Variants in RCBTB2 observed in about 807,000 individuals in gnomAD.
RCBTB2 encodes the protein RCC1 and BTB domain containing protein 2, also known as RCC1 and BTB domain-containing protein 2.
Under a neutral mutation model 65.4 loss-of-function variants are expected in RCBTB2, and 55 were observed. That is an observed-to-expected ratio of 0.84 (90% confidence interval 0.68 to 1.05). The LOEUF is 1.05. Among genes scored for constraint, RCBTB2 ranks in the 50% least tolerant of loss-of-function variants. The probability of loss-of-function intolerance (pLI) is 0.00; values close to 1 mark genes in which losing one functional copy is unlikely to be tolerated. For synonymous variants in RCBTB2, 220 were observed against 255.2 expected (o/e 0.86, Z 1.31); for missense variants, 599 against 680.1 (o/e 0.88, Z 1.33).
intron 9 of RCBTB2, among the ~76,000 whole-genome samples, chr13:48,511,512 G>A (rs1404863055): frequency 6.6e-6 from 1 of 152,130 alleles, no homozygotes; most frequent in African/African-American, 2.4e-5. Flanking sequence ...AGGTCAAAGG[G>A]TATAAAAGCT....
intron 1 of RCBTB2, among the ~76,000 whole-genome samples, chr13:48,527,290 T>G (rs1251229778): frequency 7.1e-6 from 1 of 140,368 alleles, no homozygotes; most frequent in Non-Finnish European, 1.5e-5. Flanking sequence ...TTTTCCCTTA[T>G]ATGTTTGTTT....
At chr13:48,522,238 T>C (rs1359523880) in intron 3 of RCBTB2, 70 bp downstream of exon 3, 14 of 1,045,756 alleles carry the variant, frequency 1.3e-5, no homozygotes, top group Non-Finnish European at 1.6e-5. Context: ...CTTAACTCTA[T>C]AAAGGAAATC....
intron 10 of RCBTB2, among the ~76,000 whole-genome samples, chr13:48,507,194 C>T (rs753820917): frequency 1.2e-3 from 182 of 152,278 alleles, no homozygotes; most frequent in Admixed American, 1.8e-3. Flanking sequence ...AGGGGTGGGG[C>T]GCGGATTTGG....
intron 13 of RCBTB2, among the ~76,000 whole-genome samples, chr13:48,498,207 T>C (rs556797301): frequency 6.6e-6 from 1 of 152,306 alleles, no homozygotes; most frequent in African/African-American, 2.4e-5. Context: ...GCCTGTGCCA[T>C]TGGGTTCTGG....
intron 10 of RCBTB2, 149 bp downstream of exon 10, chr13:48,510,480 A>T: frequency 2.0e-6 from 2 of 1,002,568 alleles, no homozygotes; most frequent in Non-Finnish European, 2.9e-6. Flanking sequence ...CAACAATTCC[A>T]AAGCCAATTT....
At chr13:48,520,299 C>T (rs1237823786) in intron 4 of RCBTB2, among the ~76,000 whole-genome samples, 1 of 152,072 alleles carries the variant, frequency 6.6e-6, no homozygotes, top group East Asian at 1.9e-4. Flanking sequence ...GCAGAATGAC[C>T]CAATCAACTC....
chr13:48,525,586 C>T (rs1188492503), intron 1 of RCBTB2, among the ~76,000 whole-genome samples: 1 of 151,658 alleles, frequency 6.6e-6, no homozygotes, highest in Non-Finnish European at 1.5e-5. Context: ...ATGCTGATCT[C>T]AGCCCACTAA....
At chr13:48,512,635 AT>A (rs1950865288) in intron 7 of RCBTB2, 93 bp downstream of exon 7, 1 of 1,070,486 alleles carries the variant, frequency 9.3e-7, no homozygotes, top group African/African-American at 1.6e-5. Context: ...GGAGGTGGTT[AT>A]TTTAATCAAA....
chr13:48,522,173 T>TA (rs1160904821), intron 3 of RCBTB2, 135 bp downstream of exon 3: 9 of 723,028 alleles, frequency 1.2e-5, no homozygotes, highest in Admixed American at 2.5e-5. Context: ...GATGGCCTCT[T>TA]ACGGGAATCT....
intron 14 of RCBTB2, among the ~76,000 whole-genome samples, chr13:48,493,336 C>CTCTCTCTCTT (rs1949821565): frequency 6.9e-6 from 1 of 144,706 alleles, no homozygotes; most frequent in Non-Finnish European, 1.5e-5. Flanking sequence ...CTCTCTCTCT[C>CTCTCTCTCTT]TCTCTTCTCT....
intron 6 of RCBTB2, 117 bp downstream of exon 6, chr13:48,515,088 G>T: frequency 1.1e-6 from 1 of 917,718 alleles, no homozygotes. Context: ...CATGTTTTAT[G>T]GTATCCAAAA....
intron 14 of RCBTB2, among the ~76,000 whole-genome samples, chr13:48,493,616 G>A (rs777585618): frequency 1.3e-5 from 2 of 151,798 alleles, no homozygotes; most frequent in African/African-American, 4.8e-5. Flanking sequence ...CCTCCACACC[G>A]GGCTTGCTTT....
chr13:48,523,120 A>C (rs1276924235), intron 2 of RCBTB2, among the ~76,000 whole-genome samples: 1 of 152,226 alleles, frequency 6.6e-6, no homozygotes, highest in Non-Finnish European at 1.5e-5. Flanking sequence ...TCACTTAAAA[A>C]TTTATAAACC....
chr13:48,490,230 T>C lies in RCBTB2; in HGVS notation c.1537A>G (p.Arg513Gly). The change falls in exon 15 of 15, where the codon AGG (arginine) becomes GGG (glycine). Residue 513 changes from arginine to glycine, a missense_variant. Physicochemically the swap from Arg to Gly is moderately radical, Grantham distance 125. Transcript: ENST00000344532. Reference protein sequence around the residue: ...DAQDLEEFCFRFCINHLTVVT... With the variant: ...DAQDLEEFCFGFCINHLTVVT... ...ACAGTCAGATGGTTTATGCAAAACC[T>C]GAAGCAGAATTCTTCTAAATCCTAG... 1 of 1,613,378 alleles carries C rather than the reference T, an allele frequency of 6.2e-7. No individual in the cohort carries two copies. Among genetic ancestry groups the C allele is most frequent in the Non-Finnish European group, 8.5e-7 (1 of 1,179,456 alleles).
chr13:48,510,810 G>C lies in RCBTB2; in HGVS notation c.784-39C>G. 3 of 1,561,858 alleles carry C rather than the reference G, an allele frequency of 1.9e-6. No homozygotes were observed. In the South Asian group the frequency reaches 3.5e-5, roughly 18 times the overall value. On this transcript the variant is annotated intron_variant, in intron 9 of 14. Coordinates refer to ENST00000344532, the MANE Select transcript of RCBTB2 (RefSeq NM_001268.4). ...AATCCACTCAGGACTGCAAATATAAGTAATTATTTCACTGCTTCCACAAAG... is the reference window on the plus strand; with the variant it reads ...AATCCACTCAGGACTGCAAATATAACTAATTATTTCACTGCTTCCACAAAG...
At chr13:48,521,994 C>T in intron 3 of RCBTB2, 32 bp from the exon 4 acceptor site, 2 of 1,583,990 alleles carry the variant, frequency 1.3e-6, no homozygotes, top group Non-Finnish European at 1.7e-6. Flanking sequence ...AAATCAGGAT[C>T]CCTTATGTTC....
intron 12 of RCBTB2, 71 bp from the exon 13 acceptor site, chr13:48,499,831 T>C (rs1950152937): frequency 6.3e-7 from 1 of 1,576,980 alleles, no homozygotes; most frequent in East Asian, 2.2e-5. Flanking sequence ...GAGGACCACG[T>C]TCTTCTCTCG....
At position 48,521,882 on chromosome 13, in the gene RCBTB2, A is replaced by C; in HGVS notation, c.42+16T>G. 6.2e-7 allele frequency: 1 copy of C among 1,613,020 alleles called. No individual in the cohort carries two copies. The highest frequency in any genetic ancestry group is 8.5e-7 in the Non-Finnish European group (1 of 1,179,222). The stretch of plus-strand genomic sequence containing the variant: ...AACAGAACACACATGCTCCAAGGGC[A>C]TGATTTTTTTCTAACCTTGCCACTG... On this transcript the variant is annotated intron_variant, in intron 4 of 14. Coordinates refer to ENST00000344532, the MANE Select transcript of RCBTB2 (RefSeq NM_001268.4).
At chr13:48,529,917 G>A (rs563435283) in intron 1 of RCBTB2, among the ~76,000 whole-genome samples, 7 of 152,146 alleles carry the variant, frequency 4.6e-5, no homozygotes, top group Admixed American at 3.9e-4. Context: ...ATGAGATGGG[G>A]TCTTACACTA....
Sources: allele counts gnomAD v4.1 joint callset (sites outside exome capture counted in the v4.1 genomes callset), GRCh38; gene constraint gnomAD v4.1.1; transcripts MANE v1.5; gene names NCBI Gene and HGNC (gene_info 2026-07-23, HGNC 2026-07-21).